Variants in BRD10 observed in about 807,000 individuals in gnomAD.
BRD10 encodes uncharacterized bromodomain-containing protein 10.
At chr9:5,968,177 T>G in the BRD10 span, 4 of 1,610,082 alleles carry the variant, frequency 2.5e-6, no homozygotes, top group African/African-American at 5.3e-5. Context: ...TTTCTTTTTC[T>G]TCTTTTTTGC....
chr9:5,978,860 A>G, the BRD10 span, among the ~76,000 whole-genome samples: 1 of 152,364 alleles, frequency 6.6e-6, no homozygotes, highest in Non-Finnish European at 1.5e-5. Flanking sequence ...TTCATGCAAT[A>G]TCAAGTAAGA....
chr9:5,943,545 T>TA, the BRD10 span, among the ~76,000 whole-genome samples: 9,629 of 97,924 alleles, frequency 0.098, 731 homozygotes, highest in African/African-American at 0.25. Flanking sequence ...GCATAAAACA[T>TA]AAAAAAAAAA....
the BRD10 span, among the ~76,000 whole-genome samples, chr9:5,880,867 G>A: frequency 6.6e-6 from 1 of 152,014 alleles, no homozygotes; most frequent in African/African-American, 2.4e-5. Flanking sequence ...ACCACGCCCA[G>A]CTAATTTTTA....
chr9:5,949,584 T>C, the BRD10 span, among the ~76,000 whole-genome samples: 1 of 152,204 alleles, frequency 6.6e-6, no homozygotes, highest in Non-Finnish European at 1.5e-5. Flanking sequence ...GGAGTTCTTC[T>C]GCAAAGCAGC....
At chr9:5,892,363 A>G in the BRD10 span, 2 of 866,520 alleles carry the variant, frequency 2.3e-6, no homozygotes, top group South Asian at 4.0e-5. Flanking sequence ...TTGGTCACCT[A>G]GTGAGGATGC....
At chr9:5,974,056 T>A in the BRD10 span, among the ~76,000 whole-genome samples, 1 of 151,774 alleles carries the variant, frequency 6.6e-6, no homozygotes, top group Non-Finnish European at 1.5e-5. Flanking sequence ...CAAAAATAAA[T>A]GAAGAACGTA....
At chr9:5,882,226 G>T in the BRD10 span, among the ~76,000 whole-genome samples, 2 of 152,150 alleles carry the variant, frequency 1.3e-5, no homozygotes, top group Non-Finnish European at 2.9e-5. Context: ...CTTTGTCTCT[G>T]TGGGATCCCT....
At chr9:5,993,918 C>T in the BRD10 span, among the ~76,000 whole-genome samples, 1 of 152,108 alleles carries the variant, frequency 6.6e-6, no homozygotes, top group African/African-American at 2.4e-5. Flanking sequence ...TTAGGAAAGA[C>T]AGAAAATTTT....
At chr9:5,920,288 C>G in the BRD10 span, 1 of 1,613,932 alleles carries the variant, frequency 6.2e-7, no homozygotes, top group East Asian at 2.2e-5. Flanking sequence ...AGCTCCAAGA[C>G]CTTGTGGTGG....
At chr9:5,922,740 G>T in the BRD10 span, 1 of 1,613,930 alleles carries the variant, frequency 6.2e-7, no homozygotes, top group East Asian at 2.2e-5. Flanking sequence ...GGCTGCACCT[G>T]AATCTTTACA....
At chr9:5,911,219 A>G in the BRD10 span, among the ~76,000 whole-genome samples, 6 of 152,276 alleles carry the variant, frequency 3.9e-5, no homozygotes, top group South Asian at 1.2e-3. Flanking sequence ...TGATTTTTGT[A>G]TATGGCAAAA....
chr9:5,984,031 G>C, the BRD10 span, among the ~76,000 whole-genome samples: 1 of 136,512 alleles, frequency 7.3e-6, no homozygotes, highest in African/African-American at 2.8e-5. Context: ...CAAGATGTAA[G>C]GAAAAATAAA....
the BRD10 span, chr9:5,922,200 T>C: frequency 3.1e-6 from 5 of 1,613,862 alleles, no homozygotes; most frequent in Non-Finnish European, 4.2e-6. Flanking sequence ...AGCTCTTGCT[T>C]TGCTTCAGAA....
chr9:5,924,159 G>C, the BRD10 span, among the ~76,000 whole-genome samples: 13 of 152,156 alleles, frequency 8.5e-5, no homozygotes, highest in African/African-American at 2.9e-4. Flanking sequence ...AAAAAGAAGA[G>C]CATGAACCAA....
the BRD10 span, among the ~76,000 whole-genome samples, chr9:5,967,398 G>A: frequency 6.6e-6 from 1 of 152,090 alleles, no homozygotes; most frequent in African/African-American, 2.4e-5. Context: ...ATAGGCTGTT[G>A]ACAAATATAT....
chr9:5,911,408 T>G, the BRD10 span, among the ~76,000 whole-genome samples: 3 of 150,354 alleles, frequency 2.0e-5, no homozygotes, highest in East Asian at 1.9e-4. Flanking sequence ...TATGTGTGTT[T>G]TTTTTTTTTT....
the BRD10 span, chr9:5,897,481 A>G: frequency 5.2e-6 from 7 of 1,354,228 alleles, no homozygotes; most frequent in Non-Finnish European, 7.4e-6. Flanking sequence ...TATGAAGAGG[A>G]AGACTGATTT....
the BRD10 span, among the ~76,000 whole-genome samples, chr9:5,913,271 G>C: frequency 6.6e-6 from 1 of 152,120 alleles, no homozygotes; most frequent in Non-Finnish European, 1.5e-5. Flanking sequence ...TAAATATCTG[G>C]ACAGGTTCAC....
chr9:5,965,251 G>A, the BRD10 span, among the ~76,000 whole-genome samples: 5 of 151,492 alleles, frequency 3.3e-5, no homozygotes, highest in East Asian at 1.9e-4. Flanking sequence ...ATCCCAAAGC[G>A]TATTCTACAG....
Sources: gnomAD v4.1 joint callset for allele counts (sites outside exome capture counted in the v4.1 genomes callset) on GRCh38, gnomAD v4.1.1 for gene constraint, MANE v1.5 for transcripts, NCBI Gene and HGNC (gene_info 2026-07-23, HGNC 2026-07-21) for gene names.